The following LYRM4 variants were observed in gnomAD, a reference collection of about 807,000 sequenced individuals.
The protein encoded by LYRM4 is LYR motif containing 4.
Under a neutral mutation model 11.7 loss-of-function variants are expected in LYRM4, and 9 were observed. The ratio of observed to expected loss-of-function variants is 0.77; its 90% confidence interval spans 0.46 to 1.34. LYRM4 has a LOEUF of 1.34. Ranked by LOEUF, LYRM4 falls within the 40% of genes most tolerant of loss-of-function variation. LYRM4 has a pLI of 0.00. For synonymous variants in LYRM4, 42 were observed against 40.4 expected (o/e 1.04, Z -0.15); for missense variants, 133 against 112.5 (o/e 1.18, Z -0.82).
chr6:5,113,921 G>A (rs1020946231), intron 2 of LYRM4, among the ~76,000 whole-genome samples: 8 of 152,164 alleles, frequency 5.3e-5, no homozygotes, highest in African/African-American at 1.7e-4. Flanking sequence ...ATGAGCCTAC[G>A]TTATGAAAAT....
chr6:5,245,026 C>T (rs1372399289), intron 1 of LYRM4, among the ~76,000 whole-genome samples: 1 of 136,880 alleles, frequency 7.3e-6, no homozygotes, highest in African/African-American at 2.7e-5. Flanking sequence ...TTGCCTACAA[C>T]ACATATGTGA....
the LYRM4 span, among the ~76,000 whole-genome samples, chr6:5,061,562 G>A: frequency 6.6e-6 from 1 of 152,342 alleles, no homozygotes; most frequent in Non-Finnish European, 1.5e-5. Context: ...TCAAATGTGT[G>A]TTCAATAGCA....
intron 2 of LYRM4, among the ~76,000 whole-genome samples, chr6:5,206,481 T>A (rs1048724179): frequency 6.6e-6 from 1 of 152,208 alleles, no homozygotes; most frequent in African/African-American, 2.4e-5. Flanking sequence ...ACAAGGCAGT[T>A]AAATTTAGGT....
chr6:5,119,592 G>T (rs144681767), intron 2 of LYRM4, among the ~76,000 whole-genome samples: 2 of 151,912 alleles, frequency 1.3e-5, no homozygotes, highest in East Asian at 3.9e-4. Flanking sequence ...TTCAACACCC[G>T]CCTGACCAAT....
intron 1 of LYRM4, among the ~76,000 whole-genome samples, chr6:5,219,874 C>CA (rs1252296786): frequency 2.0e-5 from 3 of 152,178 alleles, no homozygotes; most frequent in African/African-American, 7.2e-5. Flanking sequence ...CCTAATGAGT[C>CA]AGACGCTGTC....
chr6:5,150,793 G>T (rs1357408630), intron 2 of LYRM4, among the ~76,000 whole-genome samples: 1 of 152,186 alleles, frequency 6.6e-6, no homozygotes, highest in East Asian at 1.9e-4. Context: ...ATCTCTTGCA[G>T]CTTAGAGTCA....
chr6:5,061,791 T>C, the LYRM4 span, among the ~76,000 whole-genome samples: 1 of 152,100 alleles, frequency 6.6e-6, no homozygotes, highest in South Asian at 2.1e-4. Flanking sequence ...TCACACACAA[T>C]GAATTACAAA....
At chr6:5,218,088 TG>T (rs1561878323) in intron 1 of LYRM4, among the ~76,000 whole-genome samples, 1 of 152,112 alleles carries the variant, frequency 6.6e-6, no homozygotes, top group Non-Finnish European at 1.5e-5. Flanking sequence ...AAAAAAATTT[TG>T]GGGGATGGGG....
At chr6:5,239,815 A>AGGTCATGATGCG (rs67091621) in intron 1 of LYRM4, among the ~76,000 whole-genome samples, 7,431 of 152,204 alleles carry the variant, frequency 0.049, 590 homozygotes, top group African/African-American at 0.16. Flanking sequence ...AGGCTCTTCC[A>AGGTCATGATGCG]GACCTGCAGA....
intron 2 of LYRM4, among the ~76,000 whole-genome samples, chr6:5,114,364 C>T (rs559398655): frequency 6.6e-6 from 1 of 152,332 alleles, no homozygotes; most frequent in Admixed American, 6.5e-5. Context: ...AAACCTCCAT[C>T]TTTTAAAAGC....
At chr6:5,044,034 CTG>C in the LYRM4 span, among the ~76,000 whole-genome samples, 2 of 152,190 alleles carry the variant, frequency 1.3e-5, no homozygotes, top group Non-Finnish European at 2.9e-5. Flanking sequence ...CTCTTGGGAA[CTG>C]TGTGAAACTA....
the LYRM4 span, chr6:5,085,904 TA>T: frequency 6.5e-7 from 1 of 1,531,584 alleles, no homozygotes; most frequent in Non-Finnish European, 8.7e-7. Flanking sequence ...ACGCTGGGGC[TA>T]AGCCTGGCCA....
At chr6:5,225,544 G>T (rs1442675702) in intron 1 of LYRM4, among the ~76,000 whole-genome samples, 8 of 152,124 alleles carry the variant, frequency 5.3e-5, no homozygotes. Flanking sequence ...AAATAAAGGT[G>T]ATTTAGTTTT....
chr6:5,091,255 G>A, the LYRM4 span, among the ~76,000 whole-genome samples: 1 of 152,198 alleles, frequency 6.6e-6, no homozygotes, highest in East Asian at 1.9e-4. Flanking sequence ...GCAGTGTCCC[G>A]GCCTCCCCTC....
chr6:5,249,215 T>C (rs1210653998), intron 1 of LYRM4, among the ~76,000 whole-genome samples: 2 of 152,186 alleles, frequency 1.3e-5, no homozygotes, highest in African/African-American at 4.8e-5. Context: ...AATTTACAGA[T>C]GACACACAGC....
chr6:5,048,277 T>A, the LYRM4 span, among the ~76,000 whole-genome samples: 1 of 149,492 alleles, frequency 6.7e-6, no homozygotes, highest in Non-Finnish European at 1.5e-5. Flanking sequence ...AAAGACAGGC[T>A]TTGACACTTT....
rs1324125361 is a variant in LYRM4 at position 5,209,661 on chromosome 6, G to T, written c.207+6957C>A. Among the ~76,000 whole-genome samples, 3 of 152,166 alleles carry T rather than the reference G, an allele frequency of 2.0e-5. No homozygotes were observed. The East Asian group carries it at 5.8e-4, about 29-fold the overall frequency. ...GCCGGAAGGACCTCATAATTCCATG[G>T]TAACTCCCCATTTCATAATTATACG... On this transcript the variant is annotated intron_variant, in intron 2 of 2. Transcript: ENST00000330636.
chr6:5,153,137 G>C (rs1033455488), intron 2 of LYRM4, among the ~76,000 whole-genome samples: 1 of 152,058 alleles, frequency 6.6e-6, no homozygotes, highest in South Asian at 2.1e-4. Flanking sequence ...TCGTTCTGTC[G>C]TTCAGGCTGG....
At chr6:5,199,634 G>C (rs1274791258) in intron 2 of LYRM4, among the ~76,000 whole-genome samples, 4 of 152,178 alleles carry the variant, frequency 2.6e-5, no homozygotes, top group African/African-American at 7.2e-5. Context: ...TCCATCAACA[G>C]GCTGAACCTT....
Sources: gnomAD v4.1 joint callset for allele counts (sites outside exome capture counted in the v4.1 genomes callset) on GRCh38, gnomAD v4.1.1 for gene constraint, MANE v1.5 for transcripts, NCBI Gene and HGNC (gene_info 2026-07-23, HGNC 2026-07-21) for gene names.